Variants in PALD1 observed in about 807,000 individuals in gnomAD.
PALD1 encodes phosphatase domain containing paladin 1, also known as paladin.
A neutral mutation model predicts 96.0 loss-of-function variants in PALD1; 57 were observed. That is an observed-to-expected ratio of 0.59 (90% CI 0.48 to 0.74). The LOEUF (loss-of-function observed/expected upper bound fraction) is 0.74, where lower values mean the gene tolerates loss of function less well. Ranked by LOEUF, PALD1 falls within the 30% of genes least tolerant of loss-of-function variation. The pLI is 0.00. For synonymous variants in PALD1, 464 were observed against 473.6 expected (o/e 0.98, Z 0.26); for missense variants, 1,063 against 1,143.7 (o/e 0.93, Z 1.02).
intron 1 of PALD1, among the ~76,000 whole-genome samples, chr10:70,522,447 G>A (rs1225760086): frequency 6.6e-6 from 1 of 152,144 alleles, no homozygotes; most frequent in Non-Finnish European, 1.5e-5. Flanking sequence ...GGGACCGGGG[G>A]CACACGTGGT....
chr10:70,479,239 G>A (rs544091958), intron 1 of PALD1, among the ~76,000 whole-genome samples, 180 bp downstream of exon 1: 5 of 152,224 alleles, frequency 3.3e-5, no homozygotes, highest in Non-Finnish European at 5.9e-5. Flanking sequence ...GGACTCACAG[G>A]GAGCAGTTGC....
intron 18 of PALD1, among the ~76,000 whole-genome samples, chr10:70,554,113 C>A (rs1203039767): frequency 6.6e-6 from 1 of 152,144 alleles, no homozygotes; most frequent in Admixed American, 6.5e-5. Context: ...TGTGAAGGGG[C>A]CAGATGCTTG....
chr10:70,518,453 G>T (rs956311421), intron 1 of PALD1, among the ~76,000 whole-genome samples: 9 of 152,110 alleles, frequency 5.9e-5, no homozygotes, highest in Non-Finnish European at 8.8e-5. Context: ...TTCACTGCTC[G>T]CCAGCAGTGT....
intron 1 of PALD1, among the ~76,000 whole-genome samples, chr10:70,522,154 A>G (rs546805912): frequency 6.6e-6 from 1 of 152,274 alleles, no homozygotes; most frequent in Admixed American, 6.5e-5. Flanking sequence ...TCTTTGAGGG[A>G]AAGGCTTGTG....
rs61742183 is a variant in PALD1, at chr10:70,529,286, G to A, written c.243G>A (p.Thr81=). 1.7e-3 allele frequency: 2,657 copies of A among 1,589,778 alleles called. 46 individuals are homozygous for A. The African/African-American group carries it at 0.033, about 20-fold the overall frequency. ...ATGAGCTGCTCAAGGCTCATTACACGTTGGGCCGGCTCTCGGACAACACCC... is the reference window on the plus strand; with the variant it reads ...ATGAGCTGCTCAAGGCTCATTACACATTGGGCCGGCTCTCGGACAACACCC... ...IHDELLKAHY[T]LGRLSDNTPE... is the part of the protein sequence containing the mutation. The change falls in exon 3 of 20, where the codon ACG becomes ACA. Residue 81 remains threonine, a synonymous_variant. Coordinates refer to ENST00000263563, the MANE Select transcript of PALD1 (RefSeq NM_014431.3).
In PALD1 at chr10:70,529,285, C is replaced by T. The variant is rs143276983; in HGVS notation, c.242C>T (p.Thr81Met). ...IHDELLKAHY[T>M]LGRLSDNTPE... Reference sequence around the variant, plus strand: ...GATGAGCTGCTCAAGGCTCATTACACGTTGGGCCGGCTCTCGGACAACACC... The same window carrying T: ...GATGAGCTGCTCAAGGCTCATTACATGTTGGGCCGGCTCTCGGACAACACC... Residue 81 changes from threonine to methionine, a missense_variant, in exon 3 of 20, where the codon ACG becomes ATG. Thr to Met is a moderately conservative substitution (Grantham distance 81). Coordinates refer to ENST00000263563, the MANE Select transcript of PALD1 (RefSeq NM_014431.3). 70 of 1,484,840 alleles carry T rather than the reference C, an allele frequency of 4.7e-5. No individual in the cohort carries two copies. The highest frequency in any genetic ancestry group is 6.0e-5 in the Non-Finnish European group (66 of 1,098,570). 92.0% of individuals were successfully genotyped at this position (1,484,840 alleles called of 1,614,324 possible).
upstream of PALD1, among the ~76,000 whole-genome samples, chr10:70,474,815 G>A (rs1437276719): frequency 6.6e-6 from 1 of 152,170 alleles, no homozygotes; most frequent in East Asian, 1.9e-4. Context: ...AACTGAACAT[G>A]TATCCTGCGC....
the PALD1 span, among the ~76,000 whole-genome samples, chr10:70,460,427 C>A: frequency 6.6e-6 from 1 of 152,226 alleles, no homozygotes; most frequent in Non-Finnish European, 1.5e-5. Flanking sequence ...CGGCTCCATT[C>A]ATCAAGACTG....
intron 1 of PALD1, among the ~76,000 whole-genome samples, chr10:70,495,192 C>A (rs921706667): frequency 6.6e-6 from 1 of 152,256 alleles, no homozygotes; most frequent in East Asian, 1.9e-4. Flanking sequence ...TGTCTTCATA[C>A]GTCGGCATAG....
Position 70,538,954 on chromosome 10 carries a change from C to G in PALD1, c.1515C>G (p.Asn505Lys). 6.2e-7 allele frequency: 1 copy of G among 1,613,882 alleles called. No individual in the cohort carries two copies. Among genetic ancestry groups the G allele is most frequent in the East Asian group, 2.2e-5 (1 of 44,876 alleles). The change falls in exon 13 of 20, where the codon AAC becomes AAG. Residue 505 changes from asparagine (N) to lysine (K), a missense_variant. Transcript: ENST00000263563. The part of the protein sequence containing the change: ...LSTVREMDVA[N>K]FRRVPRMPIY... The stretch of plus-strand genomic sequence containing the variant: ...CTGTCAGAGAGATGGATGTGGCCAA[C>G]TTCCGGCGGGTGCCCCGCATGCCCA...
At chr10:70,518,601 T>C (rs1981092) in intron 1 of PALD1, among the ~76,000 whole-genome samples, 89,612 of 152,128 alleles carry the variant, frequency 0.59, 28,496 homozygotes, top group Middle Eastern at 0.74. Context: ...GTATGTATCT[T>C]CAAATCTTTT....
chr10:70,524,671 G>C lies in PALD1; in HGVS notation c.-29-1252G>C, dbSNP rs547708550. On this transcript the variant is annotated intron_variant, in intron 1 of 19. Transcript: ENST00000263563. ...GTGAGTTAAGGTGGGGCTGTGGCCT[G>C]CACTTCCTATGCAACCTGCTCTGTC... Among the ~76,000 whole-genome samples the C allele has an allele frequency of 3.3e-5, 5 of 152,306 alleles. No individual in the cohort carries two copies. In the South Asian group the frequency reaches 1.0e-3, roughly 32 times the overall value.
chr10:70,536,409 C>T (rs1251187012), intron 10 of PALD1, among the ~76,000 whole-genome samples: 3 of 152,216 alleles, frequency 2.0e-5, no homozygotes. Flanking sequence ...TAAACAGTCC[C>T]CCTCTTCTTG....
rs142119442 is a variant in PALD1, at chr10:70,550,118, C to G, written c.2262+2672C>G. ...AGCAGAGGGACTGAGAGGAGACACC[C>G]TCTAGTTCAGGGGCTTGCACCCCAC... On this transcript the variant is annotated intron_variant, in intron 18 of 19. Coordinates refer to ENST00000263563, the MANE Select transcript of PALD1 (RefSeq NM_014431.3). Among the ~76,000 whole-genome samples, 219 of 152,332 alleles carry G rather than the reference C, an allele frequency of 1.4e-3. 1 individual carries two copies. The Middle Eastern group carries it at 0.037, about 26-fold the overall frequency.
intron 10 of PALD1, among the ~76,000 whole-genome samples, chr10:70,535,729 C>A (rs895738012): frequency 1.3e-5 from 2 of 151,748 alleles, no homozygotes; most frequent in Non-Finnish European, 2.9e-5. Context: ...TCAATAGGGT[C>A]TTGCTCTGTT....
At position 70,530,032 on chromosome 10, in the gene PALD1, G is replaced by A; in HGVS notation, c.432G>A (p.Arg144=). 1 of 1,554,598 alleles carries A rather than the reference G, an allele frequency of 6.4e-7. No homozygotes were observed. ...GMGQPSLSGF[R]RVLQKLQKDG... ...GACAGCCCAGCCTCTCAGGGTTCAG[G>A]CGGGTCCTCCAGAAACTCCAGAAGG... The change falls in exon 4 of 20, where the codon AGG becomes AGA. Residue 144 remains arginine, a synonymous_variant. Transcript: ENST00000263563.
rs1298053465 is a variant in PALD1, at chr10:70,478,818, C to A, written c.-271C>A. On this transcript the variant is annotated 5_prime_UTR_variant, in exon 1 of 20. Transcript: ENST00000263563. ...GCAGCGCGGCGCGCACGGGCCGGGG[C>A]GCGCAGGTCCCGTCGCCGGTGAGCA... 1 of 151,550 alleles carries A rather than the reference C, an allele frequency of 6.6e-6. No individual in the cohort carries two copies. Among genetic ancestry groups the A allele is most frequent in the Non-Finnish European group, 1.5e-5 (1 of 67,862 alleles). The allele number at this position is 151,550 out of a possible 1,614,324, so 9.4% of individuals were successfully genotyped here.
At position 70,540,007 on chromosome 10, in the gene PALD1, G is replaced by A. The variant is rs1048486401; in HGVS notation, c.1908+245G>A. Among the ~76,000 whole-genome samples, 4 of 152,128 alleles carry A rather than the reference G, an allele frequency of 2.6e-5. No individual in the cohort carries two copies. The highest frequency in any genetic ancestry group is 5.9e-5 in the Non-Finnish European group (4 of 68,026). On this transcript the variant is annotated intron_variant, in intron 15 of 19. Transcript: ENST00000263563. The surrounding 1 kb of genome is among the most constrained non-coding windows in gnomAD (Gnocchi z 4.2). ...TGTGTGTATTGTTATAGGTGTGTGT[G>A]TATTGGAGTGTGTATTCTGTTACGT... is the stretch of plus-strand genomic sequence containing the variant.
intron 17 of PALD1, among the ~76,000 whole-genome samples, chr10:70,542,545 C>A (rs1847273043): frequency 6.6e-6 from 1 of 152,188 alleles, no homozygotes; most frequent in South Asian, 2.1e-4. Flanking sequence ...TGTTTTATGA[C>A]TAGTTTATTT....
Sources: allele counts gnomAD v4.1 joint callset (sites outside exome capture counted in the v4.1 genomes callset), GRCh38; gene constraint gnomAD v4.1.1; non-coding constraint Gnocchi (gnomAD v3.1); transcripts MANE v1.5; gene names NCBI Gene and HGNC (gene_info 2026-07-23, HGNC 2026-07-21).